RANGAP1: variants seen among roughly 807,000 people sequenced by gnomAD.
RANGAP1 encodes ran GTPase-activating protein 1.
In RANGAP1, 38 loss-of-function variants were observed where a neutral mutation model predicts 63.5. That is an observed-to-expected ratio of 0.60 (90% CI 0.46 to 0.78). The LOEUF is 0.78. Among genes scored for constraint, RANGAP1 ranks in the 30% least tolerant of loss-of-function variants. The pLI is 0.00. For synonymous variants in RANGAP1, 329 were observed against 310.5 expected, an observed-to-expected ratio of 1.06 and a Z score of -0.63; for missense variants, 630 against 740.3, an observed-to-expected ratio of 0.85 and a Z score of 1.73.
At chr22:41,260,771 G>A (rs1397827049) in intron 6 of RANGAP1, among the ~76,000 whole-genome samples, 2 of 152,146 alleles carry the variant, frequency 1.3e-5, no homozygotes, top group Non-Finnish European at 2.9e-5. Context: ...TTGAACCTGG[G>A]AGGCGGAGAC....
intron 8 of RANGAP1, 101 bp downstream of exon 8, chr22:41,256,610 T>C (rs1014023944): frequency 1.1e-5 from 11 of 1,010,848 alleles, no homozygotes; most frequent in Non-Finnish European, 1.6e-5. Flanking sequence ...AGCTGGGATA[T>C]GGACACAGGC....
At chr22:41,284,101 G>A (rs1263183303) in intron 1 of RANGAP1, among the ~76,000 whole-genome samples, 1 of 151,856 alleles carries the variant, frequency 6.6e-6, no homozygotes, top group East Asian at 1.9e-4. Flanking sequence ...CAAAAAATTA[G>A]CCGGGCCTGG....
In RANGAP1 at chr22:41,261,460, C is replaced by T; in HGVS notation, c.601G>A (p.Ala201Thr). 6.2e-7 allele frequency: 1 copy of T among 1,614,226 alleles called. No individual in the cohort carries two copies. Among genetic ancestry groups the T allele is most frequent in the Non-Finnish European group, 8.5e-7 (1 of 1,180,040 alleles). Residue 201 changes from alanine (A) to threonine (T), a missense_variant, in exon 6 of 16, where the codon GCA becomes ACA. By Grantham distance (58) the Ala-to-Thr change is moderately conservative. Around this residue, in one of 3 missense-constraint regions of RANGAP1, gnomAD observed 137 missense variants for 214.3 expected, o/e 0.64. Transcript: ENST00000356244. ...RLENDGATAL[A>T]EAFRVIGTLE... ...AAACCACTCACCCTAAAAGCTTCTG[C>T]CAAGGCAGTGGCGCCATCATTCTCC...
intron 4 of RANGAP1, among the ~76,000 whole-genome samples, chr22:41,266,988 C>T (rs1165310849): frequency 6.6e-6 from 1 of 150,552 alleles, no homozygotes; most frequent in East Asian, 2.0e-4. Flanking sequence ...TCACGCAATT[C>T]TCCTGCCTCA....
intron 5 of RANGAP1, among the ~76,000 whole-genome samples, chr22:41,264,245 C>T (rs1351312774): frequency 6.6e-6 from 1 of 151,830 alleles, no homozygotes; most frequent in East Asian, 1.9e-4. Context: ...GGACACCTCC[C>T]TGGGCAAGGC....
chr22:41,268,456 T>C (rs2034610324), intron 3 of RANGAP1, among the ~76,000 whole-genome samples: 1 of 152,032 alleles, frequency 6.6e-6, no homozygotes, highest in African/African-American at 2.4e-5. Context: ...GGTTTCTCCA[T>C]TTTGGTCAGG....
chr22:41,269,214 C>T (rs1479349804), intron 3 of RANGAP1, among the ~76,000 whole-genome samples: 1 of 151,950 alleles, frequency 6.6e-6, no homozygotes, highest in Non-Finnish European at 1.5e-5. Flanking sequence ...ACAGTACCTG[C>T]TATTACAGGC....
chr22:41,271,597 G>C (rs2034833177), intron 3 of RANGAP1, among the ~76,000 whole-genome samples: 1 of 151,808 alleles, frequency 6.6e-6, no homozygotes, highest in African/African-American at 2.4e-5. Context: ...GGGAGGCTGA[G>C]GCAGGAGAAT....
chr22:41,256,419 G>C (rs1277530525), intron 8 of RANGAP1, 129 bp from the exon 9 acceptor site: 1 of 866,296 alleles, frequency 1.2e-6, no homozygotes, highest in Admixed American at 2.5e-5. Flanking sequence ...AAAGTGGGCA[G>C]GAAGAATAAC....
chr22:41,293,982 A>T, the RANGAP1 span, among the ~76,000 whole-genome samples: 1 of 151,722 alleles, frequency 6.6e-6, no homozygotes, highest in Non-Finnish European at 1.5e-5. Context: ...TTTTCGTTAA[A>T]AACAAACAAA....
the RANGAP1 span, among the ~76,000 whole-genome samples, chr22:41,294,262 C>A: frequency 1.8e-4 from 27 of 152,234 alleles, no homozygotes; most frequent in Non-Finnish European, 2.9e-4. Context: ...CTGTGTTGGC[C>A]GGGCTGGTCT....
chr22:41,246,032 A>C lies in RANGAP1; in HGVS notation c.*571T>G, dbSNP rs2033004295. ...CCAACAACCCCACGATCCGACCCCC[A>C]CAGTCCCACCCATGGCATTCTCTGC... is the stretch of plus-strand genomic sequence containing the variant. On this transcript the variant is annotated 3_prime_UTR_variant, in exon 16 of 16. Coordinates refer to ENST00000356244, the MANE Select transcript of RANGAP1 (RefSeq NM_002883.4). The C allele has an allele frequency of 6.5e-6, 1 of 154,082 alleles. No individual in the cohort carries two copies. Among genetic ancestry groups the C allele is most frequent in the South Asian group, 2.0e-4 (1 of 4,924 alleles). The allele number at this position is 154,082 out of a possible 1,614,324, so 9.5% of individuals were successfully genotyped here. A position where few individuals can be genotyped will look rare whatever the true frequency, so the allele number is the denominator to read the frequency against.
At chr22:41,268,264 C>CT (rs1180653637) in intron 3 of RANGAP1, 108 bp from the exon 4 acceptor site, 90 of 981,844 alleles carry the variant, frequency 9.2e-5, no homozygotes, top group East Asian at 1.3e-4. Context: ...AGACTTTTTT[C>CT]TTTTTTTTGA....
At chr22:41,268,289 C>T in intron 3 of RANGAP1, 133 bp from the exon 4 acceptor site, 2 of 753,832 alleles carry the variant, frequency 2.7e-6, no homozygotes, top group Non-Finnish European at 2.2e-6. Context: ...GAGTTTCGCT[C>T]TTGTTGCCCA....
intron 6 of RANGAP1, 85 bp downstream of exon 6, chr22:41,261,361 C>T: frequency 1.3e-6 from 2 of 1,578,578 alleles, no homozygotes; most frequent in Non-Finnish European, 1.7e-6. Flanking sequence ...GAGTGCCAGC[C>T]CTGGGATTAG....
intron 5 of RANGAP1, 53 bp from the exon 6 acceptor site, chr22:41,261,633 C>T (rs969367167): frequency 1.1e-4 from 170 of 1,610,952 alleles, no homozygotes; most frequent in Non-Finnish European, 1.3e-4. Context: ...CTTCTCCCAG[C>T]GGGGTGGCCA....
Position 41,256,758 on chromosome 22 carries a change from C to T in RANGAP1, c.841G>A (p.Ala281Thr). ...CGGATGGCATCTGCAATGGCAACTG[C>T]ACCCTTGGAGCGCACCAGGCAGTCC... ...FGDCLVRSKG[A>T]VAIADAIRGG... Residue 281 changes from alanine (A) to threonine (T), a missense_variant, in exon 8 of 16, where the codon GCA becomes ACA. Coordinates refer to ENST00000356244, the MANE Select transcript of RANGAP1 (RefSeq NM_002883.4). 1 of 1,614,134 alleles carries T rather than the reference C, an allele frequency of 6.2e-7. No homozygotes were observed. Among genetic ancestry groups the T allele is most frequent in the Non-Finnish European group, 8.5e-7 (1 of 1,180,040 alleles).
intron 2 of RANGAP1, among the ~76,000 whole-genome samples, chr22:41,275,711 G>A (rs770847391): frequency 4.0e-5 from 6 of 151,636 alleles, no homozygotes; most frequent in Non-Finnish European, 8.8e-5. Context: ...CCTGGGAGGC[G>A]GAAGTTGTAG....
rs1345497058 is a variant in RANGAP1, at chr22:41,246,599, G to C, written c.*4C>G. On this transcript the variant is annotated 3_prime_UTR_variant, in exon 16 of 16. Transcript: ENST00000356244. Reference sequence around the variant, plus strand: ...CAGGCCAAGGGATGGGAGAGGCTTTGAGTCTAGACCTTGTACAGCGTCTGC... The same window carrying C: ...CAGGCCAAGGGATGGGAGAGGCTTTCAGTCTAGACCTTGTACAGCGTCTGC... 9 of 1,562,766 alleles carry C rather than the reference G, an allele frequency of 5.8e-6. No individual in the cohort carries two copies. Among genetic ancestry groups the C allele is most frequent in the Non-Finnish European group, 7.0e-6 (8 of 1,149,318 alleles).
Sources: gnomAD v4.1 joint callset for allele counts (sites outside exome capture counted in the v4.1 genomes callset) on GRCh38, gnomAD v4.1.1 for gene constraint, gnomAD v4.1.1 regional missense constraint, MANE v1.5 for transcripts, NCBI Gene and HGNC (gene_info 2026-07-23, HGNC 2026-07-21) for gene names.